Variants in TBL1X observed in about 807,000 individuals in gnomAD.
The protein encoded by TBL1X is F-box-like/WD repeat-containing protein TBL1X.
TBL1X carries 10 observed loss-of-function variants against 50.7 expected under a neutral mutation model. The observed-to-expected ratio is 0.20, with a 90% CI of 0.12 to 0.33. The LOEUF is 0.33. Among genes scored for constraint, TBL1X ranks in the 10% least tolerant of loss-of-function variants. TBL1X has a pLI of 1.00. For synonymous variants in TBL1X, 190 were observed against 214.7 expected (o/e 0.88, Z 1.01); for missense variants, 340 against 504.4 (o/e 0.67, Z 3.12).
chrX:9,715,844 T>C (rs1316147830), intron 17 of TBL1X, among the ~76,000 whole-genome samples: 1 of 111,864 alleles, frequency 8.9e-6, no homozygotes, highest in Non-Finnish European at 1.9e-5. Flanking sequence ...AAGCGGCCGT[T>C]CTGGCTGAAC....
In TBL1X at chrX:9,647,258, C is replaced by G. The variant is rs747270040; in HGVS notation, c.-42-6287C>G. On this transcript the variant is annotated intron_variant, in intron 3 of 17. Coordinates refer to ENST00000645353, the MANE Select transcript of TBL1X (RefSeq NM_005647.4). ...TCAGCTTCTTGACGGCTCTAAACCC[C>G]AAATTATCACTTATATTGAATTACT... Among the ~76,000 whole-genome samples, 5 of 111,821 alleles carry G rather than the reference C, an allele frequency of 4.5e-5. No homozygotes were observed. The South Asian group carries it at 1.5e-3, about 34-fold the overall frequency.
chrX:9,489,913 C>T (rs1314240421), intron 1 of TBL1X, among the ~76,000 whole-genome samples: 2 of 111,516 alleles, frequency 1.8e-5, no homozygotes, highest in Middle Eastern at 4.2e-3. Flanking sequence ...CAGTCATACC[C>T]TAGAAAATCA....
chrX:9,615,936 A>G (rs1281525206), intron 2 of TBL1X, among the ~76,000 whole-genome samples: 1 of 112,114 alleles, frequency 8.9e-6, no homozygotes, highest in Non-Finnish European at 1.9e-5. Context: ...AGTCATTTGC[A>G]TTCACGTCAT....
At chrX:9,715,927 C>T (rs974952606) in intron 17 of TBL1X, among the ~76,000 whole-genome samples, 5 of 112,382 alleles carry the variant, frequency 4.4e-5, no homozygotes, top group Middle Eastern at 9.1e-3. Context: ...ATCTGCCCCA[C>T]GATTGCAGGT....
chrX:9,508,646 C>CT (rs1379601973), intron 2 of TBL1X, among the ~76,000 whole-genome samples: 1 of 111,729 alleles, frequency 9.0e-6, no homozygotes, highest in Non-Finnish European at 1.9e-5. Context: ...GTGTATGTTT[C>CT]TTATAGCACT....
chrX:9,689,767 C>G (rs2083085956), intron 7 of TBL1X, among the ~76,000 whole-genome samples: 1 of 113,036 alleles, frequency 8.8e-6, no homozygotes, highest in African/African-American at 3.2e-5. Context: ...CAGTTTCCCT[C>G]TTGCCATCAC....
chrX:9,663,454 C>T (rs1601824558), intron 5 of TBL1X, among the ~76,000 whole-genome samples: 5 of 111,548 alleles, frequency 4.5e-5, no homozygotes, highest in South Asian at 7.5e-4. Context: ...GTAGAACAGG[C>T]CACGTCAGAA....
intron 16 of TBL1X, among the ~76,000 whole-genome samples, chrX:9,713,246 C>T (rs1048141092): frequency 3.0e-4 from 33 of 111,008 alleles, no homozygotes; most frequent in Non-Finnish European, 5.7e-5. Flanking sequence ...CATCTCAGCA[C>T]TAGTGTCCAA....
intron 11 of TBL1X, among the ~76,000 whole-genome samples, chrX:9,697,119 A>G (rs2083136060): frequency 8.9e-6 from 1 of 112,410 alleles, no homozygotes; most frequent in Admixed American, 9.4e-5. Context: ...TACTGATTAC[A>G]TGTTGAAATG....
At chrX:9,705,386 A>G (rs779360994) in intron 13 of TBL1X, among the ~76,000 whole-genome samples, 2 of 111,855 alleles carry the variant, frequency 1.8e-5, no homozygotes, top group East Asian at 2.8e-4. Flanking sequence ...CATGTAGAGG[A>G]CATCAAGGAA....
At chrX:9,665,833 T>C (rs1242868514) in intron 5 of TBL1X, among the ~76,000 whole-genome samples, 2 of 109,116 alleles carry the variant, frequency 1.8e-5, no homozygotes, top group African/African-American at 6.7e-5. Flanking sequence ...CTGATGTATT[T>C]TGACTTTGGG....
intron 4 of TBL1X, among the ~76,000 whole-genome samples, 161 bp downstream of exon 4, chrX:9,653,850 G>A (rs111477873): frequency 2.7e-5 from 3 of 111,789 alleles, no homozygotes; most frequent in Admixed American, 9.5e-5. Context: ...CATTCCTGCC[G>A]CTTATGGGGC....
rs770133016 is a variant in TBL1X, at chrX:9,684,033, C to T, written c.212-10C>T. On this transcript the variant is annotated splice_polypyrimidine_tract_variant and intron_variant, in intron 5 of 17. Coordinates refer to ENST00000645353, the MANE Select transcript of TBL1X (RefSeq NM_005647.4). ...TCTCACTCAACCTCAGCTTTCCCCTCTTGCCACAGGTTTTTCCCACTCGGC... is the reference window on the plus strand; with the variant it reads ...TCTCACTCAACCTCAGCTTTCCCCTTTTGCCACAGGTTTTTCCCACTCGGC... 8.3e-7 allele frequency: 1 copy of T among 1,211,977 alleles called. No individual in the cohort carries two copies.
intron 5 of TBL1X, among the ~76,000 whole-genome samples, chrX:9,678,132 C>T (rs768734857): frequency 6.1e-4 from 68 of 111,773 alleles, no homozygotes; most frequent in Non-Finnish European, 1.2e-3. Context: ...GTTTTTTATT[C>T]GTATTATTAT....
intron 1 of TBL1X, among the ~76,000 whole-genome samples, chrX:9,496,010 G>A (rs1245335406): frequency 8.9e-6 from 1 of 112,394 alleles, no homozygotes; most frequent in African/African-American, 3.2e-5. Flanking sequence ...TCACAGACAC[G>A]GAATCCGTAA....
intron 3 of TBL1X, among the ~76,000 whole-genome samples, chrX:9,652,913 TC>T (rs1307388901): frequency 9.1e-6 from 1 of 109,967 alleles, no homozygotes; most frequent in Non-Finnish European, 1.9e-5. Context: ...ACGCCCGTAA[TC>T]CCAGCACTTT....
At chrX:9,647,097 G>C (rs760728511) in intron 3 of TBL1X, among the ~76,000 whole-genome samples, 1 of 111,810 alleles carries the variant, frequency 8.9e-6, no homozygotes, top group Admixed American at 9.5e-5. Flanking sequence ...CATACTCAAT[G>C]AAATGAAACT....
intron 2 of TBL1X, among the ~76,000 whole-genome samples, chrX:9,585,859 CAT>C (rs1458856582): frequency 1.8e-5 from 2 of 112,015 alleles, no homozygotes; most frequent in Admixed American, 9.4e-5. Flanking sequence ...AGGACTTTAA[CAT>C]GTGAATTTTA....
Position 9,545,000 on chromosome X carries a change from C to CTTTT in TBL1X, c.-131+43172_-131+43175dup, listed in dbSNP as rs34726098. ...GGTTTATGTAGTTATTTTCCCCCCA[C>CTTTT]TTTTTTTTTTTTTTTTTTTTTTTTG... On this transcript the variant is annotated intron_variant, in intron 2 of 17. Coordinates refer to ENST00000645353, the MANE Select transcript of TBL1X (RefSeq NM_005647.4). Among the ~76,000 whole-genome samples, 154 of 71,745 alleles carry CTTTT rather than the reference C, an allele frequency of 2.1e-3. 2 individuals are homozygous for CTTTT. The highest frequency in any genetic ancestry group is 7.2e-3 in the African/African-American group (127 of 17,619). The allele number at this position is 71,745 out of a possible 115,157, so 62.3% of individuals were successfully genotyped here.
Sources: gnomAD v4.1 joint callset for allele counts (sites outside exome capture counted in the v4.1 genomes callset) on GRCh38, gnomAD v4.1.1 for gene constraint, MANE v1.5 for transcripts, NCBI Gene and HGNC (gene_info 2026-07-23, HGNC 2026-07-21) for gene names.